ATL2: variants seen among roughly 807,000 people sequenced by gnomAD.
ATL2 encodes atlastin GTPase 2, also known as atlastin-2.
Under a neutral mutation model 73.9 loss-of-function variants are expected in ATL2, and 31 were observed. The ratio of observed to expected loss-of-function variants is 0.42; its 90% CI spans 0.32 to 0.57. ATL2 has a LOEUF of 0.57. Among genes scored for constraint, ATL2 ranks in the 20% least tolerant of loss-of-function variants. The pLI, the probability that ATL2 is intolerant of heterozygous loss-of-function variation, is 0.14. For missense variants in ATL2, 738 were observed against 702.6 expected (o/e 1.05, Z -0.57); for synonymous variants, 291 against 237.5 (o/e 1.23, Z -2.07).
At chr2:38,338,916 C>T (rs1444402864) in intron 2 of ATL2, among the ~76,000 whole-genome samples, 2 of 152,086 alleles carry the variant, frequency 1.3e-5, no homozygotes, top group Non-Finnish European at 2.9e-5. Flanking sequence ...AATAGCTTAC[C>T]AGTATGCCTC....
chr2:38,377,229 T>C lies in ATL2; in HGVS notation c.32A>G (p.Gln11Arg), dbSNP rs1463330747. 3.7e-6 allele frequency: 6 copies of C among 1,603,560 alleles called. No individual in the cohort carries two copies. The highest frequency in any genetic ancestry group is 2.2e-5 in the South Asian group (2 of 89,538). Residue 11 changes from glutamine (Q) to arginine (R), a missense_variant, in exon 1 of 13, where the codon CAG (glutamine) becomes CGG (arginine). Gln to Arg is a conservative substitution (Grantham distance 43, BLOSUM62 1). Coordinates refer to ENST00000378954, the MANE Select transcript of ATL2 (RefSeq NM_001135673.4). ...GCGCCACAGCCCCTGGTGCGGTTGCTGCCCTCGCGCTGCCTCGTCCCCCTC... is the reference window on the plus strand; with the variant it reads ...GCGCCACAGCCCCTGGTGCGGTTGCCGCCCTCGCGCTGCCTCGTCCCCCTC... MAEGDEAARG[Q>R]QPHQGLWRRR...
chr2:38,307,219 A>G (rs752933776), intron 9 of ATL2, among the ~76,000 whole-genome samples: 1 of 152,096 alleles, frequency 6.6e-6, no homozygotes, highest in Non-Finnish European at 1.5e-5. Flanking sequence ...TCAGCTAGGC[A>G]TGGTGGCAGC....
chr2:38,343,358 AT>A lies in ATL2; in HGVS notation c.272del (p.Asp91ValfsTer4). 1 of 1,611,542 alleles carries A rather than the reference AT, an allele frequency of 6.2e-7. No individual in the cohort carries two copies. The highest frequency in any genetic ancestry group is 8.5e-7 in the Non-Finnish European group (1 of 1,179,556). On this transcript the variant is annotated frameshift_variant, in exon 2 of 13. Coordinates refer to ENST00000378954, the MANE Select transcript of ATL2 (RefSeq NM_001135673.4). LOFTEE classifies it high-confidence loss of function. ...EQILLQEHIRDLNIVVVSVAG... is the reference protein window; with the variant it reads ...EQILLQEHIRXLNIVVVSVAG... ...CCACAGATACCACTACTATGTTAAG[AT>A]CTCGTATGTGCTCCTGTAGCAATAT...
At chr2:38,343,074 G>T (rs1388718911) in intron 2 of ATL2, among the ~76,000 whole-genome samples, 194 bp downstream of exon 2, 1 of 146,936 alleles carries the variant, frequency 6.8e-6, no homozygotes, top group East Asian at 2.0e-4. Context: ...CTTGAGATTG[G>T]GAGGTTGAGG....
chr2:38,325,633 C>A (rs1280578649), intron 2 of ATL2, among the ~76,000 whole-genome samples: 12 of 71,670 alleles, frequency 1.7e-4, no homozygotes, highest in Admixed American at 1.4e-3. Context: ...TACATACACA[C>A]ACACACACAC....
intron 2 of ATL2, among the ~76,000 whole-genome samples, chr2:38,319,278 G>C (rs1262991358): frequency 6.6e-6 from 1 of 152,070 alleles, no homozygotes; most frequent in Non-Finnish European, 1.5e-5. Context: ...TAAATAAGTG[G>C]GGTTATACTC....
At chr2:38,360,718 C>T (rs1670963497) in intron 1 of ATL2, among the ~76,000 whole-genome samples, 1 of 152,218 alleles carries the variant, frequency 6.6e-6, no homozygotes, top group African/African-American at 2.4e-5. Context: ...GGGTCTTAGA[C>T]GGGCTCTTAG....
intron 1 of ATL2, among the ~76,000 whole-genome samples, chr2:38,364,782 C>T (rs192817975): frequency 1.3e-5 from 2 of 152,190 alleles, no homozygotes; most frequent in Non-Finnish European, 2.9e-5. Context: ...CAGTGGCTTG[C>T]GCCTGTAATC....
At position 38,343,320 on chromosome 2, in the gene ATL2, C is replaced by T. The variant is rs1248189669; in HGVS notation, c.311G>A (p.Arg104His). The change falls in exon 2 of 13, where the codon CGT becomes CAT. Residue 104 changes from arginine to histidine, a missense_variant. By Grantham distance (29) the Arg-to-His change is conservative. Transcript: ENST00000378954. ...GTCCAGTAGAAATGACTTCCCTTTA[C>T]GAAAAGCTCCTGCCACAGATACCAC... ...IVVVSVAGAF[R>H]KGKSFLLDFM... The T allele has an allele frequency of 1.9e-6, 3 of 1,611,094 alleles. No homozygotes were observed. The highest frequency in any genetic ancestry group is 2.5e-6 in the Non-Finnish European group (3 of 1,179,346).
intron 2 of ATL2, among the ~76,000 whole-genome samples, chr2:38,325,662 ACACACACAC>A (rs2148449790): frequency 2.1e-4 from 1 of 4,814 alleles, no homozygotes; most frequent in East Asian, 3.0e-3. Context: ...ACACACCAGT[ACACACACAC>A]ACACACACAC....
intron 2 of ATL2, among the ~76,000 whole-genome samples, chr2:38,335,080 TAA>T (rs745887456): frequency 1.5e-4 from 23 of 150,810 alleles, no homozygotes; most frequent in Non-Finnish European, 3.1e-4. Context: ...TAGCTAACAT[TAA>T]AAAGATTGAC....
chr2:38,354,228 A>G (rs1670531214), intron 1 of ATL2: 3 of 402,592 alleles, frequency 7.5e-6, no homozygotes, highest in South Asian at 3.5e-5. Context: ...TGTGCATTAC[A>G]TGAGAGCTAT....
At chr2:38,352,853 G>T (rs1226319949) in intron 1 of ATL2, among the ~76,000 whole-genome samples, 2 of 152,152 alleles carry the variant, frequency 1.3e-5, no homozygotes, top group African/African-American at 4.8e-5. Flanking sequence ...GATCTGCAAG[G>T]TACACAGTTT....
At chr2:38,372,236 T>C (rs1671733883) in intron 1 of ATL2, among the ~76,000 whole-genome samples, 2 of 151,882 alleles carry the variant, frequency 1.3e-5, no homozygotes, top group South Asian at 4.1e-4. Context: ...TCCATATCTA[T>C]GGGTTCTACA....
At chr2:38,362,380 G>A (rs1225676006) in intron 1 of ATL2, among the ~76,000 whole-genome samples, 1 of 152,052 alleles carries the variant, frequency 6.6e-6, no homozygotes, top group Non-Finnish European at 1.5e-5. Flanking sequence ...ATTTATCATG[G>A]GCCTATGACT....
intron 1 of ATL2, among the ~76,000 whole-genome samples, chr2:38,362,815 A>C (rs1671086480): frequency 6.6e-6 from 1 of 152,214 alleles, no homozygotes; most frequent in South Asian, 2.1e-4. Context: ...GCTACAGAGA[A>C]AAGTAAAGCG....
At chr2:38,334,870 A>ATTTATTTATATTTTT (rs1573511650) in intron 2 of ATL2, among the ~76,000 whole-genome samples, 1 of 40,430 alleles carries the variant, frequency 2.5e-5, no homozygotes, top group Non-Finnish European at 8.5e-5. Flanking sequence ...TATATTATAT[A>ATTTATTTATATTTTT]ATATATATTA....
At chr2:38,372,397 C>T (rs988390923) in intron 1 of ATL2, among the ~76,000 whole-genome samples, 20 of 151,934 alleles carry the variant, frequency 1.3e-4, no homozygotes, top group African/African-American at 4.4e-4. Flanking sequence ...TTCAAGTGTA[C>T]GGGAGGATGC....
At chr2:38,366,812 G>A (rs1671356515) in intron 1 of ATL2, among the ~76,000 whole-genome samples, 1 of 152,122 alleles carries the variant, frequency 6.6e-6, no homozygotes, top group South Asian at 2.1e-4. Context: ...TACACAGTAT[G>A]TCAACTAAAA....
Sources: allele counts gnomAD v4.1 joint callset (sites outside exome capture counted in the v4.1 genomes callset), GRCh38; gene constraint gnomAD v4.1.1; transcripts MANE v1.5; gene names NCBI Gene and HGNC (gene_info 2026-07-23, HGNC 2026-07-21).